The following IGSF3 variants were observed in gnomAD, a reference collection of about 807,000 sequenced individuals.
IGSF3 encodes immunoglobulin superfamily member 3, also known as glu-Trp-Ile EWI motif-containing protein 3.
IGSF3 carries 23 observed loss-of-function variants against 114.4 expected under a neutral mutation model. That is an observed-to-expected ratio of 0.20 (90% CI 0.14 to 0.28). The LOEUF is 0.28. Among genes scored for constraint, IGSF3 ranks in the 10% least tolerant of loss-of-function variants. The probability of loss-of-function intolerance (pLI) is 1.00; values close to 1 mark genes in which losing one functional copy is unlikely to be tolerated. For missense variants in IGSF3, 1,172 were observed against 1,591.5 expected (o/e 0.74, Z 4.48); for synonymous variants, 571 against 645.2 (o/e 0.88, Z 1.74).
chr1:116,606,200 C>A (rs1333546382), intron 5 of IGSF3, among the ~76,000 whole-genome samples: 1 of 152,256 alleles, frequency 6.6e-6, no homozygotes, highest in Admixed American at 6.5e-5. Context: ...CGGTGTAGCA[C>A]AGGCTAAGCG....
At position 116,585,613 on chromosome 1, in the gene IGSF3, C is replaced by T. The variant is rs181158944; in HGVS notation, c.2441-561G>A. Among the ~76,000 whole-genome samples, 89 of 152,320 alleles carry T rather than the reference C, an allele frequency of 5.8e-4. 1 individual carries two copies. The highest frequency in any genetic ancestry group is 1.9e-3 in the African/African-American group (79 of 41,574). On this transcript the variant is annotated intron_variant, in intron 8 of 10. Transcript: ENST00000369486. This position sits in a 1 kb window ranked among gnomAD's most constrained non-coding sequence, Gnocchi z 4.9. ...GTTCCTTCTCAGGTTGGGAATGGAA[C>T]TGATATGACATCAGTAAAGAAAAGA...
Position 116,636,049 on chromosome 1 carries a change from A to G in IGSF3, c.44-19592T>C, listed in dbSNP as rs1443439534. Among the ~76,000 whole-genome samples, 3 of 152,080 alleles carry G rather than the reference A, an allele frequency of 2.0e-5. No individual in the cohort carries two copies. On this transcript the variant is annotated intron_variant, in intron 2 of 10. Coordinates refer to ENST00000369486, the MANE Select transcript of IGSF3 (RefSeq NM_001007237.3). This position sits in a 1 kb window ranked among gnomAD's most constrained non-coding sequence, Gnocchi z 4.5. ...ATTCTCCTGAACACCCTTTCCCAGTACACCTCCACTCGCCAGAACAACTGT... is the reference window on the plus strand; with the variant it reads ...ATTCTCCTGAACACCCTTTCCCAGTGCACCTCCACTCGCCAGAACAACTGT...
Position 116,612,012 on chromosome 1 carries a change from T to G in IGSF3, c.832+1753A>C, listed in dbSNP as rs1436745140. Reference sequence around the variant, plus strand: ...ACCTAAACAGCACAGGAATGCAGGGTGAAGTCATCAACTTTTTTTTCACTT... The same window carrying G: ...ACCTAAACAGCACAGGAATGCAGGGGGAAGTCATCAACTTTTTTTTCACTT... On this transcript the variant is annotated intron_variant, in intron 4 of 10. Coordinates refer to ENST00000369486, the MANE Select transcript of IGSF3 (RefSeq NM_001007237.3). The surrounding 1 kb of genome is among the most constrained non-coding windows in gnomAD (Gnocchi z 4.1). Among the ~76,000 whole-genome samples, 3 of 152,200 alleles carry G rather than the reference T, an allele frequency of 2.0e-5. No homozygotes were observed. Among genetic ancestry groups the G allele is most frequent in the African/African-American group, 7.2e-5 (3 of 41,448 alleles).
rs1310351621 is a variant in IGSF3 at position 116,618,807 on chromosome 1, T to C, written c.44-2350A>G. On this transcript the variant is annotated intron_variant, in intron 2 of 10. Transcript: ENST00000369486. This position sits in a 1 kb window ranked among gnomAD's most constrained non-coding sequence, Gnocchi z 4.7. ...TTAACTACATTCATAACATTAGGTA[T>C]CCTTTGAATTGCGGTGTTCTATGAC... Among the ~76,000 whole-genome samples the C allele has an allele frequency of 6.6e-6, 1 of 152,198 alleles. No homozygotes were observed. The highest frequency in any genetic ancestry group is 2.4e-5 in the African/African-American group (1 of 41,442).
rs373591039 is a variant in IGSF3 at position 116,647,075 on chromosome 1, A to G, written c.43+19209T>C. On this transcript the variant is annotated intron_variant, in intron 2 of 10. Coordinates refer to ENST00000369486, the MANE Select transcript of IGSF3 (RefSeq NM_001007237.3). The surrounding 1 kb of genome is among the most constrained non-coding windows in gnomAD (Gnocchi z 4.6). The stretch of plus-strand genomic sequence containing the variant: ...AACTGGCAGAGAGAGGCACTGGTGC[A>G]GATGGAGAGGGCAGCAATAAAAACT... 19 of 152,914 alleles carry G rather than the reference A, an allele frequency of 1.2e-4. 1 individual carries two copies. Among genetic ancestry groups the G allele is most frequent in the African/African-American group, 4.3e-4 (18 of 41,608 alleles). The allele number at this position is 152,914 out of a possible 1,614,324, so 9.5% of individuals were successfully genotyped here.
chr1:116,577,200 C>G lies in IGSF3; in HGVS notation c.*112G>C. 8.1e-7 allele frequency: 1 copy of G among 1,234,132 alleles called. No homozygotes were observed. Among genetic ancestry groups the G allele is most frequent in the Non-Finnish European group, 1.1e-6 (1 of 894,864 alleles). The allele number at this position is 1,234,132 out of a possible 1,614,324, so 76.4% of individuals were successfully genotyped here. ...AACTTGGAACACTTTTCAAGTCTGA[C>G]AACTTTCCACACACATGCACCCCAG... On this transcript the variant is annotated 3_prime_UTR_variant, in exon 11 of 11. Transcript: ENST00000369486. This position sits in a 1 kb window ranked among gnomAD's most constrained non-coding sequence, Gnocchi z 5.7.
rs1317977057 is a variant in IGSF3 at position 116,633,557 on chromosome 1, G to A, written c.44-17100C>T. 6.6e-6 allele frequency among the ~76,000 whole-genome samples: 1 copy of A among 152,076 alleles called. No homozygotes were observed. The highest frequency in any genetic ancestry group is 2.4e-5 in the African/African-American group (1 of 41,362). ...ATATATTCCCCTATGCCATGGAAAG[G>A]TGCATGTAAGTGAGAGAACAAAAAA... is the stretch of plus-strand genomic sequence containing the variant. On this transcript the variant is annotated intron_variant, in intron 2 of 10. Transcript: ENST00000369486. This position sits in a 1 kb window ranked among gnomAD's most constrained non-coding sequence, Gnocchi z 4.3.
In IGSF3 at chr1:116,584,917, G is replaced by A; in HGVS notation, c.2576C>T (p.Pro859Leu). The stretch of plus-strand genomic sequence containing the variant: ...CACAGTCTCCCGCTCAGGGTGGTTG[G>A]GCTTCCATACAAACCATTCCACCAT... ...QLMVEWFVWK[P>L]NHPERETVAR... is the part of the protein sequence containing the mutation. Residue 859 changes from proline (P) to leucine (L), a missense_variant, in exon 9 of 11, where the codon CCC (proline) becomes CTC (leucine). By Grantham distance (98) the Pro-to-Leu change is moderately conservative. Around this residue, in one of 3 missense-constraint regions of IGSF3, gnomAD observed 423 missense variants for 509.8 expected, o/e 0.83. Coordinates refer to ENST00000369486, the MANE Select transcript of IGSF3 (RefSeq NM_001007237.3). The surrounding 1 kb of genome is among the most constrained non-coding windows in gnomAD (Gnocchi z 5.8). The A allele has an allele frequency of 6.2e-7, 1 of 1,614,110 alleles. No individual in the cohort carries two copies. Among genetic ancestry groups the A allele is most frequent in the Non-Finnish European group, 8.5e-7 (1 of 1,179,956 alleles).
intron 5 of IGSF3, among the ~76,000 whole-genome samples, chr1:116,604,610 A>G (rs1201300938): frequency 6.6e-6 from 1 of 152,226 alleles, no homozygotes; most frequent in Non-Finnish European, 1.5e-5. Flanking sequence ...AGTTTTGCAG[A>G]GTGTGTGAGG....
chr1:116,578,080 G>C (rs576623008), intron 10 of IGSF3, among the ~76,000 whole-genome samples: 1 of 152,180 alleles, frequency 6.6e-6, no homozygotes, highest in Admixed American at 6.5e-5. Context: ...ACTTACAAAC[G>C]TCCACAGTGT....
rs1337916101 is a variant in IGSF3 at position 116,589,420 on chromosome 1, G to A, written c.2030-316C>T. Among the ~76,000 whole-genome samples the A allele has an allele frequency of 6.6e-6, 1 of 152,066 alleles. No individual in the cohort carries two copies. Among genetic ancestry groups the A allele is most frequent in the Non-Finnish European group, 1.5e-5 (1 of 68,028 alleles). On this transcript the variant is annotated intron_variant, in intron 7 of 10. Coordinates refer to ENST00000369486, the MANE Select transcript of IGSF3 (RefSeq NM_001007237.3). The surrounding 1 kb of genome is among the most constrained non-coding windows in gnomAD (Gnocchi z 5.7). ...GCTATATCAGGTCTCTGCTTGAAAA[G>A]TTTAATGGCTCTGAACTACCTACGG...
In IGSF3 at chr1:116,600,415, A is replaced by G; in HGVS notation, c.1625-70T>C. The G allele has an allele frequency of 1.6e-6, 2 of 1,251,298 alleles. No homozygotes were observed. Among genetic ancestry groups the G allele is most frequent in the Admixed American group, 2.0e-5 (1 of 50,440 alleles). 77.5% of individuals were successfully genotyped at this position (1,251,298 alleles called of 1,614,324 possible). ...TTCTCAGGGCAGTATGACATCAGCA[A>G]TGGGGCAGCTGGCAAAGCAAGCAGT... On this transcript the variant is annotated intron_variant, in intron 6 of 10. Coordinates refer to ENST00000369486, the MANE Select transcript of IGSF3 (RefSeq NM_001007237.3). This position sits in a 1 kb window ranked among gnomAD's most constrained non-coding sequence, Gnocchi z 5.5.
intron 2 of IGSF3, chr1:116,617,252 T>C (rs1399636898): frequency 8.3e-6 from 8 of 959,662 alleles, no homozygotes; most frequent in Non-Finnish European, 9.9e-6. Flanking sequence ...GCTCAGATAC[T>C]GTTCTCCAAG....
In IGSF3 at chr1:116,584,177, C is replaced by G. The variant is rs2101326031; in HGVS notation, c.2848+468G>C. Among the ~76,000 whole-genome samples the G allele has an allele frequency of 7.1e-6, 1 of 141,832 alleles. No homozygotes were observed. Among genetic ancestry groups the G allele is most frequent in the Admixed American group, 6.9e-5 (1 of 14,572 alleles). The allele number at this position is 141,832 out of a possible 152,430, so 93.0% of individuals were successfully genotyped here. On this transcript the variant is annotated intron_variant, in intron 9 of 10. Coordinates refer to ENST00000369486, the MANE Select transcript of IGSF3 (RefSeq NM_001007237.3). The surrounding 1 kb of genome is among the most constrained non-coding windows in gnomAD (Gnocchi z 5.8). The stretch of plus-strand genomic sequence containing the variant: ...GCACTCTGCACTCCAGCCTGGGTGA[C>G]AGAGTGAGACTCCGTTTCAAAAAAA...
At position 116,661,255 on chromosome 1, in the gene IGSF3, T is replaced by C. The variant is rs920199418; in HGVS notation, c.43+5029A>G. On this transcript the variant is annotated intron_variant, in intron 2 of 10. Transcript: ENST00000369486. This position sits in a 1 kb window ranked among gnomAD's most constrained non-coding sequence, Gnocchi z 4.0. ...TTACGGTGAGCCAAGATCGTGCCAC[T>C]GCACTCCAGCCTGAGCAACAGTGTG... Among the ~76,000 whole-genome samples, 1 of 152,132 alleles carries C rather than the reference T, an allele frequency of 6.6e-6. No individual in the cohort carries two copies. Among genetic ancestry groups the C allele is most frequent in the Non-Finnish European group, 1.5e-5 (1 of 68,022 alleles).
At position 116,654,224 on chromosome 1, in the gene IGSF3, G is replaced by A. The variant is rs1648752828; in HGVS notation, c.43+12060C>T. On this transcript the variant is annotated intron_variant, in intron 2 of 10. Coordinates refer to ENST00000369486, the MANE Select transcript of IGSF3 (RefSeq NM_001007237.3). This position sits in a 1 kb window ranked among gnomAD's most constrained non-coding sequence, Gnocchi z 4.4. ...GGTCTCTGAGAAGTGCTGCTTGTAG[G>A]GAGAAGAATGGCCCTGCACAGAGGC... Among the ~76,000 whole-genome samples, 1 of 152,204 alleles carries A rather than the reference G, an allele frequency of 6.6e-6. No homozygotes were observed. The highest frequency in any genetic ancestry group is 1.5e-5 in the Non-Finnish European group (1 of 68,038).
chr1:116,620,170 T>C (rs1661368577), intron 2 of IGSF3, among the ~76,000 whole-genome samples: 1 of 152,158 alleles, frequency 6.6e-6, no homozygotes, highest in South Asian at 2.1e-4. Context: ...GTACCTTTTG[T>C]TATTTATAAG....
In IGSF3 at chr1:116,644,776, A is replaced by C. The variant is rs1264394519; in HGVS notation, c.43+21508T>G. 1.3e-5 allele frequency among the ~76,000 whole-genome samples: 2 copies of C among 152,238 alleles called. No individual in the cohort carries two copies. Among genetic ancestry groups the C allele is most frequent in the African/African-American group, 4.8e-5 (2 of 41,460 alleles). On this transcript the variant is annotated intron_variant, in intron 2 of 10. Coordinates refer to ENST00000369486, the MANE Select transcript of IGSF3 (RefSeq NM_001007237.3). This position sits in a 1 kb window ranked among gnomAD's most constrained non-coding sequence, Gnocchi z 5.6. ...CTGGCTCCAAATGGTCAGACTTCCCAAGAAATTCCTGTGAAAAGGACAGGC... is the reference window on the plus strand; with the variant it reads ...CTGGCTCCAAATGGTCAGACTTCCCCAGAAATTCCTGTGAAAAGGACAGGC...
chr1:116,620,172 A>G (rs1274247068), intron 2 of IGSF3, among the ~76,000 whole-genome samples: 2 of 152,042 alleles, frequency 1.3e-5, no homozygotes, highest in Non-Finnish European at 2.9e-5. Flanking sequence ...ACCTTTTGTT[A>G]TTTATAAGAA....
Sources: gnomAD v4.1 joint callset for allele counts (sites outside exome capture counted in the v4.1 genomes callset) on GRCh38, gnomAD v4.1.1 for gene constraint, gnomAD v4.1.1 regional missense constraint, Gnocchi (gnomAD v3.1) non-coding constraint, MANE v1.5 for transcripts, NCBI Gene and HGNC (gene_info 2026-07-23, HGNC 2026-07-21) for gene names.